CSNK2A2IP: variants seen among roughly 807,000 people sequenced by gnomAD.
The protein encoded by CSNK2A2IP is casein kinase II subunit alpha'-interacting protein.
chr3:88,359,481 T>C, the CSNK2A2IP span, among the ~76,000 whole-genome samples: 1 of 152,224 alleles, frequency 6.6e-6, no homozygotes, highest in South Asian at 2.1e-4. Context: ...GAAGTCTTTC[T>C]ATTTTTTAAT....
the CSNK2A2IP span, among the ~76,000 whole-genome samples, chr3:88,448,019 A>G: frequency 6.6e-5 from 10 of 152,222 alleles, no homozygotes; most frequent in Non-Finnish European, 1.5e-4. Context: ...AATTTTCTTT[A>G]TACCTAAAAT....
At chr3:88,343,719 G>A in the CSNK2A2IP span, among the ~76,000 whole-genome samples, 32 of 151,976 alleles carry the variant, frequency 2.1e-4, no homozygotes, top group African/African-American at 7.5e-4. Context: ...AAAAGTCATT[G>A]GGAGACTGAC....
the CSNK2A2IP span, among the ~76,000 whole-genome samples, chr3:88,344,411 G>A: frequency 2.6e-5 from 4 of 151,722 alleles, no homozygotes; most frequent in Non-Finnish European, 5.9e-5. Flanking sequence ...AATAACTACA[G>A]GTTCATATTG....
chr3:88,341,966 A>G, the CSNK2A2IP span, among the ~76,000 whole-genome samples: 1 of 151,974 alleles, frequency 6.6e-6, no homozygotes, highest in African/African-American at 2.4e-5. Context: ...GTCAATAGGT[A>G]TTATTAAATC....
chr3:88,418,418 C>G, the CSNK2A2IP span, among the ~76,000 whole-genome samples: 1 of 150,214 alleles, frequency 6.7e-6, no homozygotes, highest in Non-Finnish European at 1.5e-5. Flanking sequence ...TTCCAAATGT[C>G]TACAGGGAAC....
At chr3:88,358,532 T>C in the CSNK2A2IP span, among the ~76,000 whole-genome samples, 1 of 152,160 alleles carries the variant, frequency 6.6e-6, no homozygotes. Flanking sequence ...GAGCTGTTTT[T>C]TTTTTAATCA....
the CSNK2A2IP span, among the ~76,000 whole-genome samples, chr3:88,359,541 C>T: frequency 1.2e-3 from 178 of 152,078 alleles, 1 homozygote; most frequent in Non-Finnish European, 2.1e-3. Flanking sequence ...TTTGGCTGTA[C>T]TCACTAGCTT....
the CSNK2A2IP span, among the ~76,000 whole-genome samples, chr3:88,358,527 GTT>G: frequency 2.0e-5 from 3 of 149,888 alleles, no homozygotes; most frequent in African/African-American, 4.9e-5. Context: ...GTTGTGAGCT[GTT>G]TTTTTTTTAA....
chr3:88,445,107 A>G, the CSNK2A2IP span, among the ~76,000 whole-genome samples: 33 of 152,052 alleles, frequency 2.2e-4, no homozygotes, highest in Admixed American at 1.7e-3. Flanking sequence ...TTCATTAACG[A>G]GTAAGAAATG....
the CSNK2A2IP span, among the ~76,000 whole-genome samples, chr3:88,450,819 G>C: frequency 6.6e-6 from 1 of 152,074 alleles, no homozygotes; most frequent in Non-Finnish European, 1.5e-5. Flanking sequence ...ACATAAGCAG[G>C]TAGGTATCTT....
At chr3:88,388,123 T>G in the CSNK2A2IP span, among the ~76,000 whole-genome samples, 2 of 152,224 alleles carry the variant, frequency 1.3e-5, no homozygotes, top group Non-Finnish European at 2.9e-5. Context: ...AGTTCTATTA[T>G]TTGACTTCCT....
the CSNK2A2IP span, among the ~76,000 whole-genome samples, chr3:88,438,807 T>C: frequency 6.6e-6 from 1 of 152,204 alleles, no homozygotes; most frequent in African/African-American, 2.4e-5. Flanking sequence ...ATATGTTGTG[T>C]TTTTCCCTTG....
chr3:88,461,413 C>G, the CSNK2A2IP span, among the ~76,000 whole-genome samples: 1 of 151,786 alleles, frequency 6.6e-6, no homozygotes, highest in Non-Finnish European at 1.5e-5. Context: ...ATTAGCCGGG[C>G]GTGGTGGTGG....
At chr3:88,452,885 A>G in the CSNK2A2IP span, among the ~76,000 whole-genome samples, 1 of 152,116 alleles carries the variant, frequency 6.6e-6, no homozygotes, top group Admixed American at 6.6e-5. Context: ...TCTCTTGGTG[A>G]GAGGCTCTTT....
the CSNK2A2IP span, chr3:88,466,277 A>G: frequency 1.6e-6 from 2 of 1,231,664 alleles, no homozygotes; most frequent in Non-Finnish European, 2.0e-6. Flanking sequence ...GCATCATCAT[A>G]TTTTGTCCAC....
the CSNK2A2IP span, among the ~76,000 whole-genome samples, chr3:88,373,488 T>C: frequency 6.6e-6 from 1 of 150,790 alleles, no homozygotes; most frequent in Admixed American, 6.6e-5. Flanking sequence ...TAAAGTGGTG[T>C]TTAGAGAAAA....
the CSNK2A2IP span, among the ~76,000 whole-genome samples, chr3:88,352,237 C>G: frequency 2.1e-4 from 32 of 152,202 alleles, no homozygotes; most frequent in Non-Finnish European, 4.1e-4. Flanking sequence ...ATCTATCTAT[C>G]TATCTGAATA....
chr3:88,364,044 C>G, the CSNK2A2IP span, among the ~76,000 whole-genome samples: 295 of 152,264 alleles, frequency 1.9e-3, 3 homozygotes, highest in South Asian at 7.5e-3. Context: ...CTGTCTTTGG[C>G]AGTCTAGTAG....
At chr3:88,448,044 A>G in the CSNK2A2IP span, among the ~76,000 whole-genome samples, 1 of 152,188 alleles carries the variant, frequency 6.6e-6, no homozygotes, top group Non-Finnish European at 1.5e-5. Context: ...TCTAGGGTCA[A>G]TTGTATGTTT....
Sources: gnomAD v4.1 joint callset for allele counts (sites outside exome capture counted in the v4.1 genomes callset) on GRCh38, gnomAD v4.1.1 for gene constraint, MANE v1.5 for transcripts, NCBI Gene and HGNC (gene_info 2026-07-23, HGNC 2026-07-21) for gene names.